Variants in FOXP4 observed in about 807,000 individuals in gnomAD.
FOXP4 encodes the protein forkhead box P4, also known as forkhead box protein P4.
FOXP4 carries 25 observed loss-of-function variants against 82.6 expected under a neutral mutation model. The ratio of observed to expected loss-of-function variants is 0.30; its 90% CI spans 0.22 to 0.42. FOXP4 has a LOEUF of 0.42. Ranked by LOEUF, FOXP4 falls within the 10% of genes least tolerant of loss-of-function variation. The probability of loss-of-function intolerance (pLI) is 1.00; values close to 1 mark genes in which losing one functional copy is unlikely to be tolerated. For synonymous variants in FOXP4, 415 were observed against 388.2 expected (o/e 1.07, Z -0.81); for missense variants, 785 against 900.9 (o/e 0.87, Z 1.65).
chr6:41,565,868 G>A lies in FOXP4; in HGVS notation c.108G>A (p.Gly36=). 1 of 1,613,956 alleles carries A rather than the reference G, an allele frequency of 6.2e-7. No individual in the cohort carries two copies. The highest frequency in any genetic ancestry group is 8.5e-7 in the Non-Finnish European group (1 of 1,180,036). Residue 36 remains glycine (G), a synonymous_variant, in exon 2 of 17, where the codon GGG becomes GGA. Transcript: ENST00000307972. ...QADGSSGGAT[G]TTASGTGREV... ...ATGGCAGCAGCGGCGGGGCCACAGG[G>A]ACAACTGCAAGTGGCACGGGCAGGG...
At chr6:41,595,407 C>G (rs1766775183) in intron 14 of FOXP4, among the ~76,000 whole-genome samples, 2 of 151,942 alleles carry the variant, frequency 1.3e-5, no homozygotes, top group Admixed American at 6.5e-5. Flanking sequence ...TCCCGCGACC[C>G]CACCAATTCA....
Position 41,594,905 on chromosome 6 carries a change from C to T in FOXP4, c.1572C>T (p.Cys524=), listed in dbSNP as rs1289428339. 1 of 1,614,198 alleles carries T rather than the reference C, an allele frequency of 6.2e-7. No homozygotes were observed. The highest frequency in any genetic ancestry group is 8.5e-7 in the Non-Finnish European group (1 of 1,180,042). ...AVRHNLSLHK[C]FVRVENVKGA... ...GCCACAACCTCAGCCTGCACAAGTGCTTCGTCCGCGTGGAGAACGTCAAGG... is the reference window on the plus strand; with the variant it reads ...GCCACAACCTCAGCCTGCACAAGTGTTTCGTCCGCGTGGAGAACGTCAAGG... Residue 524 remains cysteine (C), a synonymous_variant, in exon 14 of 17, where the codon TGC becomes TGT. Transcript: ENST00000307972.
At chr6:41,588,843 T>C in intron 9 of FOXP4, 112 bp downstream of exon 9, 1 of 1,161,970 alleles carries the variant, frequency 8.6e-7, no homozygotes. Context: ...AAGGGTCCTA[T>C]GGTCAAAGCC....
intron 1 of FOXP4, among the ~76,000 whole-genome samples, chr6:41,564,412 C>CT (rs1764760629): frequency 6.6e-6 from 1 of 152,072 alleles, no homozygotes; most frequent in Non-Finnish European, 1.5e-5. Context: ...GAGCGAGACT[C>CT]TGTCTCAAAA....
intron 2 of FOXP4, among the ~76,000 whole-genome samples, chr6:41,574,358 T>TC (rs1765360609): frequency 1.3e-5 from 2 of 152,308 alleles, no homozygotes; most frequent in East Asian, 3.9e-4. Flanking sequence ...GGCCTCAGTT[T>TC]CCTTGTCTGT....
At chr6:41,584,704 C>A in intron 3 of FOXP4, 65 bp from the exon 4 acceptor site, 1 of 1,503,588 alleles carries the variant, frequency 6.7e-7, no homozygotes, top group African/African-American at 1.4e-5. Flanking sequence ...GAGAGTGGGG[C>A]CCTGGGTGGT....
chr6:41,578,002 G>T lies in FOXP4; in HGVS notation c.221G>T (p.Arg74Leu), dbSNP rs778234827. 1 of 1,612,560 alleles carries T rather than the reference G, an allele frequency of 6.2e-7. No homozygotes were observed. Among genetic ancestry groups the T allele is most frequent in the South Asian group, 1.1e-5 (1 of 91,056 alleles). ...FQQQQALQVA[R>L]QFLLQQASGL... is the part of the protein sequence containing the mutation. ...GTCTTGCAGGCTCTCCAAGTGGCCC[G>T]GCAGTTCCTGCTGCAGCAGGCCTCA... The change falls in exon 3 of 17, where the codon CGG becomes CTG. Residue 74 changes from arginine to leucine, a missense_variant. Arg to Leu is a moderately radical substitution (Grantham distance 102). This residue lies in a region of FOXP4 where 570 missense variants were observed against 634.0 expected (regional missense o/e 0.90). Coordinates refer to ENST00000307972, the MANE Select transcript of FOXP4 (RefSeq NM_001012426.2).
At position 41,555,370 on chromosome 6, in the gene FOXP4, C is replaced by T. The variant is rs920841274; in HGVS notation, c.-17+8503C>T. 8.5e-5 allele frequency among the ~76,000 whole-genome samples: 13 copies of T among 152,194 alleles called. No individual in the cohort carries two copies. In the East Asian group the frequency reaches 1.2e-3, roughly 14 times the overall value. On this transcript the variant is annotated intron_variant, in intron 1 of 16. Transcript: ENST00000307972. ...GGGGCCTGTTTCAAGATGAAATCAG[C>T]GCATCCCTGCCAGGGTGAGCCCCTC... is the stretch of plus-strand genomic sequence containing the variant.
intron 2 of FOXP4, among the ~76,000 whole-genome samples, chr6:41,574,636 A>G (rs1303228620): frequency 2.6e-5 from 4 of 152,178 alleles, no homozygotes; most frequent in South Asian, 4.1e-4. Context: ...TCTGGTTGGC[A>G]TATTCAAAGA....
intron 1 of FOXP4, among the ~76,000 whole-genome samples, chr6:41,552,475 C>T (rs1764054508): frequency 6.6e-6 from 1 of 152,144 alleles, no homozygotes; most frequent in African/African-American, 2.4e-5. Context: ...AGAATCCCTC[C>T]TTCAGGAAGC....
In FOXP4 at chr6:41,598,901, C is replaced by T; in HGVS notation, c.2008C>T (p.Leu670=). ...CTCGGGGCCTCCGGAAGACAGGGACCTGGAGGAGGAGCTGCCGGGAGAAGA... is the reference window on the plus strand; with the variant it reads ...CTCGGGGCCTCCGGAAGACAGGGACTTGGAGGAGGAGCTGCCGGGAGAAGA... The part of the protein sequence containing the change: ...SASGPPEDRD[L]EEELPGEELS The change falls in exon 17 of 17, where the codon CTG becomes TTG. Residue 670 remains leucine, a synonymous_variant. Coordinates refer to ENST00000307972, the MANE Select transcript of FOXP4 (RefSeq NM_001012426.2). 2 of 1,607,910 alleles carry T rather than the reference C, an allele frequency of 1.2e-6. No individual in the cohort carries two copies. Among genetic ancestry groups the T allele is most frequent in the Non-Finnish European group, 1.7e-6 (2 of 1,178,116 alleles).
intron 13 of FOXP4, 114 bp from the exon 14 acceptor site, chr6:41,594,756 C>A: frequency 6.7e-7 from 1 of 1,491,974 alleles, no homozygotes; most frequent in East Asian, 2.4e-5. Context: ...CTGCTCATCC[C>A]TGAGCTGGGG....
intron 2 of FOXP4, among the ~76,000 whole-genome samples, chr6:41,575,282 T>C (rs547258226): frequency 6.6e-6 from 1 of 152,308 alleles, no homozygotes; most frequent in African/African-American, 2.4e-5. Flanking sequence ...TTCTTTATAT[T>C]AGAGGCTATC....
rs1296171762 is a variant in FOXP4 at position 41,567,759 on chromosome 6, T to A, written c.204+1795T>A. 2.6e-5 allele frequency among the ~76,000 whole-genome samples: 4 copies of A among 152,262 alleles called. No individual in the cohort carries two copies. The East Asian group carries it at 7.7e-4, about 29-fold the overall frequency. On this transcript the variant is annotated intron_variant, in intron 2 of 16. Transcript: ENST00000307972. Reference sequence around the variant, plus strand: ...CTGTACTGATCAGGTTTCTTGGTTCTGCGTTGCACATGAGCCATGTTTTCC... The same window carrying A: ...CTGTACTGATCAGGTTTCTTGGTTCAGCGTTGCACATGAGCCATGTTTTCC...
At chr6:41,573,075 C>A (rs1437710725) in intron 2 of FOXP4, among the ~76,000 whole-genome samples, 1 of 152,216 alleles carries the variant, frequency 6.6e-6, no homozygotes, top group African/African-American at 2.4e-5. Context: ...ACTTCTCATT[C>A]TCAACAGCCT....
At chr6:41,592,093 T>TGCAGGGAAGGTTAGAC (rs1307602548) in intron 13 of FOXP4, among the ~76,000 whole-genome samples, 28 of 152,208 alleles carry the variant, frequency 1.8e-4, no homozygotes, top group Admixed American at 1.6e-3. Flanking sequence ...TGTTCGCCCC[T>TGCAGGGAAGGTTAGAC]GCAGGGAAGG....
At chr6:41,597,058 C>T (rs1305953222) in intron 14 of FOXP4, 118 bp from the exon 15 acceptor site, 1 of 1,086,486 alleles carries the variant, frequency 9.2e-7, no homozygotes, top group Non-Finnish European at 1.4e-6. Context: ...GCCCTGGCCT[C>T]CCGGAATAGG....
At chr6:41,594,002 C>T (rs1766671910) in intron 13 of FOXP4, among the ~76,000 whole-genome samples, 1 of 152,096 alleles carries the variant, frequency 6.6e-6, no homozygotes, top group African/African-American at 2.4e-5. Context: ...GGGGGCAGCA[C>T]AGCTGAGAGA....
intron 13 of FOXP4, among the ~76,000 whole-genome samples, chr6:41,594,188 A>C (rs1257545699): frequency 6.6e-6 from 1 of 152,236 alleles, no homozygotes; most frequent in African/African-American, 2.4e-5. Context: ...GAGGTGGGAC[A>C]GACAAGGTGA....
Sources: allele counts gnomAD v4.1 joint callset (sites outside exome capture counted in the v4.1 genomes callset), GRCh38; gene constraint gnomAD v4.1.1; regional missense constraint gnomAD v4.1.1; transcripts MANE v1.5; gene names NCBI Gene and HGNC (gene_info 2026-07-23, HGNC 2026-07-21).